CELF4: variants seen among roughly 807,000 people sequenced by gnomAD.
CELF4 encodes the protein CUGBP Elav-like family member 4, also known as CUG-BP- and ETR-3-like factor 4.
A neutral mutation model predicts 59.9 loss-of-function variants in CELF4; 18 were observed. The observed-to-expected ratio is 0.30, with a 90% CI of 0.21 to 0.45. The LOEUF is 0.45. CELF4 is among the 20% of genes least tolerant of loss of function. The pLI is 1.00. For synonymous variants in CELF4, 261 were observed against 267.1 expected, an observed-to-expected ratio of 0.98 and a Z score of 0.22; for missense variants, 456 against 689.0, an observed-to-expected ratio of 0.66 and a Z score of 3.79.
At chr18:37,293,907 CAT>C (rs10568726) in intron 3 of CELF4, among the ~76,000 whole-genome samples, 73,293 of 151,864 alleles carry the variant, frequency 0.48, 18,041 homozygotes, top group South Asian at 0.63. Context: ...CCACATCAAA[CAT>C]ATGGGGGTCA....
At chr18:37,514,483 C>T (rs1007752776) in intron 1 of CELF4, among the ~76,000 whole-genome samples, 7 of 152,184 alleles carry the variant, frequency 4.6e-5, no homozygotes, top group East Asian at 1.9e-4. Flanking sequence ...GAGTTTCTTC[C>T]GAGAGCCTGG....
chr18:37,307,616 C>T (rs1036498979), intron 3 of CELF4, among the ~76,000 whole-genome samples: 6 of 151,704 alleles, frequency 4.0e-5, no homozygotes, highest in African/African-American at 9.7e-5. Context: ...GGTGGGGAGA[C>T]GACAGAGGGG....
chr18:37,297,295 T>C (rs1298874118), intron 3 of CELF4, among the ~76,000 whole-genome samples: 2 of 152,216 alleles, frequency 1.3e-5, no homozygotes, highest in African/African-American at 4.8e-5. Context: ...AATCCCACCA[T>C]TAGAGCCTCA....
At chr18:37,481,061 G>A (rs148806118) in intron 2 of CELF4, among the ~76,000 whole-genome samples, 19 of 152,234 alleles carry the variant, frequency 1.2e-4, no homozygotes, top group African/African-American at 3.9e-4. Flanking sequence ...ATCCTGAGTC[G>A]CGGTGACCTG....
At chr18:37,478,231 G>T (rs183703095) in intron 2 of CELF4, among the ~76,000 whole-genome samples, 1 of 152,326 alleles carries the variant, frequency 6.6e-6, no homozygotes, top group East Asian at 1.9e-4. Flanking sequence ...CTCCTTCACA[G>T]TCTAGATGGT....
At chr18:37,384,642 G>C (rs2099079637) in intron 2 of CELF4, among the ~76,000 whole-genome samples, 1 of 152,218 alleles carries the variant, frequency 6.6e-6, no homozygotes, top group Admixed American at 6.5e-5. Context: ...AGCCTATGGA[G>C]GGTGGTGGTG....
intron 1 of CELF4, among the ~76,000 whole-genome samples, chr18:37,545,274 G>C (rs2099980670): frequency 6.6e-6 from 1 of 152,182 alleles, no homozygotes; most frequent in Non-Finnish European, 1.5e-5. Flanking sequence ...GTAACCACCA[G>C]ATCTGTGCCT....
chr18:37,525,054 C>T lies in CELF4; in HGVS notation c.287-39447G>A, dbSNP rs542011392. On this transcript the variant is annotated intron_variant, in intron 1 of 12. Coordinates refer to ENST00000420428, the MANE Select transcript of CELF4 (RefSeq NM_020180.4). ...AACCACCTCTCTTTCCTAGGGGCCT[C>T]TTGCTTGGCCAGCCGACCACCCTTC... Among the ~76,000 whole-genome samples the T allele has an allele frequency of 2.0e-5, 3 of 152,310 alleles. 1 individual carries two copies. The highest frequency in any genetic ancestry group is 4.1e-4 in the South Asian group (2 of 4,824).
intron 4 of CELF4, 42 bp downstream of exon 4, chr18:37,275,073 C>T (rs771230152): frequency 1.2e-6 from 2 of 1,606,330 alleles, no homozygotes; most frequent in Non-Finnish European, 1.7e-6. Context: ...CTCCGCCTCG[C>T]CCCTCCCTCC....
chr18:37,419,018 C>T (rs1009763018), intron 2 of CELF4, among the ~76,000 whole-genome samples: 4 of 152,174 alleles, frequency 2.6e-5, no homozygotes, highest in East Asian at 3.9e-4. Flanking sequence ...AGTGGGAGAC[C>T]TGCTGGTGTC....
At chr18:37,540,340 C>T (rs546853405) in intron 1 of CELF4, among the ~76,000 whole-genome samples, 43 of 152,352 alleles carry the variant, frequency 2.8e-4, no homozygotes, top group Middle Eastern at 3.4e-3. Flanking sequence ...AAAACAGCAG[C>T]GTCTCTCTTT....
At chr18:37,412,612 GTGGGTGGGTGGATGGA>G (rs2099481208) in intron 2 of CELF4, among the ~76,000 whole-genome samples, 1 of 151,810 alleles carries the variant, frequency 6.6e-6, no homozygotes, top group South Asian at 2.1e-4. Flanking sequence ...GTGTGGATGG[GTGGGTGGGTGGATGGA>G]TGGGTGCATG....
chr18:37,475,877 T>TACATAC (rs1043743132), intron 2 of CELF4, among the ~76,000 whole-genome samples: 1 of 152,180 alleles, frequency 6.6e-6, no homozygotes, highest in African/African-American at 2.4e-5. Flanking sequence ...CCTCTCCCTT[T>TACATAC]ACATACACAA....
At chr18:37,430,660 T>G (rs1000036070) in intron 2 of CELF4, among the ~76,000 whole-genome samples, 1 of 152,332 alleles carries the variant, frequency 6.6e-6, no homozygotes, top group Non-Finnish European at 1.5e-5. Context: ...TCTAGCTTCC[T>G]CTGAGCAGAA....
intron 2 of CELF4, among the ~76,000 whole-genome samples, chr18:37,335,562 G>A (rs1398650209): frequency 6.6e-6 from 1 of 151,780 alleles, no homozygotes; most frequent in Non-Finnish European, 1.5e-5. Context: ...TGTGCGTGCT[G>A]TGTAAGTGTG....
intron 2 of CELF4, among the ~76,000 whole-genome samples, chr18:37,466,953 G>T (rs2099810596): frequency 6.6e-6 from 1 of 152,174 alleles, no homozygotes; most frequent in African/African-American, 2.4e-5. Flanking sequence ...GGAGCCACAT[G>T]CTCACGGGTG....
chr18:37,548,067 A>G (rs1398959125), intron 1 of CELF4, among the ~76,000 whole-genome samples: 1 of 151,546 alleles, frequency 6.6e-6, no homozygotes, highest in Non-Finnish European at 1.5e-5. Context: ...TTGAATCTCT[A>G]TGTATGTGCG....
chr18:37,483,673 C>T (rs1284950972), intron 2 of CELF4, among the ~76,000 whole-genome samples: 6 of 152,102 alleles, frequency 3.9e-5, no homozygotes, highest in Non-Finnish European at 8.8e-5. Context: ...AGGGGGCTGG[C>T]GCGTCGCTCC....
chr18:37,472,132 T>A (rs2099834937), intron 2 of CELF4, among the ~76,000 whole-genome samples: 1 of 152,174 alleles, frequency 6.6e-6, no homozygotes, highest in Non-Finnish European at 1.5e-5. Context: ...TGTGGGGGAT[T>A]GTGCAAACCA....
Sources: gnomAD v4.1 joint callset for allele counts (sites outside exome capture counted in the v4.1 genomes callset) on GRCh38, gnomAD v4.1.1 for gene constraint, MANE v1.5 for transcripts, NCBI Gene and HGNC (gene_info 2026-07-23, HGNC 2026-07-21) for gene names.